Variants in LCMT1 observed in about 807,000 individuals in gnomAD.
LCMT1 encodes the protein leucine carboxyl methyltransferase 1.
A neutral mutation model predicts 47.7 loss-of-function variants in LCMT1; 32 were observed. That is an observed-to-expected ratio of 0.67 (90% CI 0.51 to 0.90). The LOEUF (loss-of-function observed/expected upper bound fraction) is 0.90, where lower values mean the gene tolerates loss of function less well. Among genes scored for constraint, LCMT1 ranks in the 40% least tolerant of loss-of-function variants. The pLI, the probability that LCMT1 is intolerant of heterozygous loss-of-function variation, is 0.00. For missense variants in LCMT1, 375 were observed against 415.2 expected (o/e 0.90, Z 0.84); for synonymous variants, 152 against 149.7 (o/e 1.02, Z -0.11).
At chr16:25,155,879 G>A (rs748941704) in intron 5 of LCMT1, among the ~76,000 whole-genome samples, 14 of 152,006 alleles carry the variant, frequency 9.2e-5, no homozygotes, top group Admixed American at 8.5e-4. Flanking sequence ...ACAGGGTCTC[G>A]CTATGTTGCT....
intron 3 of LCMT1, among the ~76,000 whole-genome samples, chr16:25,133,095 A>T (rs1960400813): frequency 6.6e-6 from 1 of 151,634 alleles, no homozygotes; most frequent in Admixed American, 6.6e-5. Flanking sequence ...TCCTGGCCTC[A>T]AGCGATCCTC....
chr16:25,157,261 A>C (rs1344870309), intron 5 of LCMT1, among the ~76,000 whole-genome samples: 2 of 152,006 alleles, frequency 1.3e-5, no homozygotes, highest in Non-Finnish European at 2.9e-5. Context: ...AAAAGTGTTT[A>C]AGACTGGCTT....
intron 3 of LCMT1, among the ~76,000 whole-genome samples, chr16:25,139,895 A>G (rs566857261): frequency 6.6e-4 from 101 of 152,084 alleles, no homozygotes; most frequent in African/African-American, 2.4e-3. Context: ...GCTCCTCCCC[A>G]TCATCCCAGC....
chr16:25,114,083 A>G lies in LCMT1; in HGVS notation c.113+2087A>G, dbSNP rs547070994. ...GTTTTGACTTCCCTCCAGGCTGAATATTGTTTAGTTAAAGTTGCTGAATGT... is the reference window on the plus strand; with the variant it reads ...GTTTTGACTTCCCTCCAGGCTGAATGTTGTTTAGTTAAAGTTGCTGAATGT... On this transcript the variant is annotated intron_variant, in intron 1 of 10. Transcript: ENST00000399069. Among the ~76,000 whole-genome samples the G allele has an allele frequency of 2.0e-5, 3 of 152,302 alleles. No individual in the cohort carries two copies. The South Asian group carries it at 6.2e-4, about 32-fold the overall frequency.
intron 4 of LCMT1, chr16:25,140,712 T>A (rs1131423): frequency 6.4e-6 from 1 of 156,252 alleles, no homozygotes; most frequent in East Asian, 1.9e-4. Context: ...CGTATCTGGT[T>A]GCGCTGGTTC....
intron 1 of LCMT1, among the ~76,000 whole-genome samples, chr16:25,113,756 C>T (rs1172724101): frequency 6.6e-6 from 1 of 152,154 alleles, no homozygotes; most frequent in African/African-American, 2.4e-5. Context: ...CTGCCTCAAC[C>T]TTCCAAGTAG....
At chr16:25,177,860 C>G (rs891692120) in intron 10 of LCMT1, 141 bp from the exon 11 acceptor site, 2 of 742,198 alleles carry the variant, frequency 2.7e-6, no homozygotes, top group African/African-American at 1.8e-5. Flanking sequence ...TGCGAAACCT[C>G]ATTTTATGTA....
intron 2 of LCMT1, among the ~76,000 whole-genome samples, chr16:25,128,905 CAG>C (rs978984418): frequency 4.5e-5 from 6 of 132,854 alleles, no homozygotes; most frequent in African/African-American, 1.4e-4. Flanking sequence ...TGGGGCCTGT[CAG>C]GGGTGGGGGG....
chr16:25,165,909 C>T (rs867406966), intron 7 of LCMT1, among the ~76,000 whole-genome samples: 3 of 152,302 alleles, frequency 2.0e-5, no homozygotes, highest in Middle Eastern at 3.4e-3. Flanking sequence ...TTCAAAAGCA[C>T]TGACAGTGTT....
intron 3 of LCMT1, among the ~76,000 whole-genome samples, chr16:25,135,281 T>TAAAAAAAAAAA (rs1316661688): frequency 7.6e-6 from 1 of 131,456 alleles, no homozygotes; most frequent in African/African-American, 2.8e-5. Flanking sequence ...AAGTTTCTTT[T>TAAAAAAAAAAA]AAAATATATA....
chr16:25,136,659 C>T (rs1217919406), intron 3 of LCMT1, among the ~76,000 whole-genome samples: 1 of 152,086 alleles, frequency 6.6e-6, no homozygotes, highest in Non-Finnish European at 1.5e-5. Flanking sequence ...AAGCGATTCT[C>T]CTGCCTCAGC....
At chr16:25,145,205 T>A (rs2141671700) in intron 4 of LCMT1, 1 of 152,302 alleles carries the variant, frequency 6.6e-6, no homozygotes, top group African/African-American at 2.4e-5. Flanking sequence ...GGAACTTCTG[T>A]AAAGAAATCT....
At chr16:25,173,473 C>G (rs1001642160) in intron 9 of LCMT1, among the ~76,000 whole-genome samples, 1 of 152,144 alleles carries the variant, frequency 6.6e-6, no homozygotes, top group African/African-American at 2.4e-5. Flanking sequence ...CATACCAAGA[C>G]GGGAATGAAC....
rs556860329 is a variant in LCMT1, at chr16:25,128,203, T to C, written c.114-272T>C. ...GCATGAAGTGAGGCTATTTGCTATGTAGGGTCCTGGGAAGTGAATTAGCAA... is the reference window on the plus strand; with the variant it reads ...GCATGAAGTGAGGCTATTTGCTATGCAGGGTCCTGGGAAGTGAATTAGCAA... On this transcript the variant is annotated intron_variant, in intron 1 of 10. Coordinates refer to ENST00000399069, the MANE Select transcript of LCMT1 (RefSeq NM_016309.3). Among the ~76,000 whole-genome samples, 10 of 152,302 alleles carry C rather than the reference T, an allele frequency of 6.6e-5. No individual in the cohort carries two copies. In the East Asian group the frequency reaches 1.5e-3, roughly 23 times the overall value.
intron 8 of LCMT1, among the ~76,000 whole-genome samples, chr16:25,170,104 C>A (rs973178422): frequency 1.3e-5 from 2 of 152,018 alleles, no homozygotes; most frequent in African/African-American, 4.8e-5. Flanking sequence ...CCTGTAATCC[C>A]AGCTACTTGG....
chr16:25,140,095 C>A, intron 3 of LCMT1, 76 bp from the exon 4 acceptor site: 1 of 1,058,596 alleles, frequency 9.4e-7, no homozygotes, highest in Non-Finnish European at 1.4e-6. Flanking sequence ...TCTTAGGTGC[C>A]TAGTGCTTGA....
intron 6 of LCMT1, among the ~76,000 whole-genome samples, chr16:25,163,631 T>C (rs1447603254): frequency 1.3e-5 from 2 of 152,098 alleles, no homozygotes; most frequent in Non-Finnish European, 2.9e-5. Context: ...AAAAGAAATA[T>C]AAAATAGCTA....
At chr16:25,122,276 T>C (rs150061059) in intron 1 of LCMT1, among the ~76,000 whole-genome samples, 108 of 138,838 alleles carry the variant, frequency 7.8e-4, no homozygotes, top group African/African-American at 2.8e-3. Context: ...GTCACTGATA[T>C]TTCTTATGTG....
intron 6 of LCMT1, among the ~76,000 whole-genome samples, chr16:25,163,748 A>G (rs1961503446): frequency 6.6e-6 from 1 of 152,190 alleles, no homozygotes; most frequent in South Asian, 2.1e-4. Flanking sequence ...CTTTTGTGTC[A>G]ATAAATACAG....
Sources: gnomAD v4.1 joint callset for allele counts (sites outside exome capture counted in the v4.1 genomes callset) on GRCh38, gnomAD v4.1.1 for gene constraint, MANE v1.5 for transcripts, NCBI Gene and HGNC (gene_info 2026-07-23, HGNC 2026-07-21) for gene names.